Variants in ZNF654 observed in about 807,000 individuals in gnomAD.
ZNF654 encodes the protein melanoma-associated antigen.
ZNF654 carries 19 observed loss-of-function variants against 95.3 expected under a neutral mutation model. The observed-to-expected ratio is 0.20, with a 90% CI of 0.14 to 0.29. ZNF654 has a LOEUF of 0.29. ZNF654 is among the 10% of genes least tolerant of loss of function. The pLI, the probability that ZNF654 is intolerant of heterozygous loss-of-function variation, is 1.00. For synonymous variants in ZNF654, 413 were observed against 457.9 expected (o/e 0.90, Z 1.25); for missense variants, 1,046 against 1,341.0 (o/e 0.78, Z 3.44).
chr3:88,087,212 G>A lies in ZNF654; in HGVS notation c.332+810G>A, dbSNP rs1389573389. ...TCATGCCTCAGCCCCAGAGTACTTG[G>A]GACCACAGGTGTGCACCACCATGCC... On this transcript the variant is annotated intron_variant, in intron 2 of 8. Transcript: ENST00000636215. Among the ~76,000 whole-genome samples the A allele has an allele frequency of 3.9e-5, 6 of 152,002 alleles. No homozygotes were observed. The East Asian group carries it at 9.6e-4, about 24-fold the overall frequency.
Position 88,139,594 on chromosome 3 carries a change from C to A in ZNF654, c.1925C>A (p.Thr642Lys). The change falls in exon 8 of 9, where the codon ACA (threonine) becomes AAA (lysine). Residue 642 changes from threonine to lysine, a missense_variant. Thr to Lys is a moderately conservative substitution (Grantham distance 78, BLOSUM62 -1). Around this residue, in one of 9 missense-constraint regions of ZNF654, gnomAD observed 495 missense variants for 537.0 expected, o/e 0.92. Coordinates refer to ENST00000636215, the MANE Select transcript of ZNF654 (RefSeq NM_001350134.2). ...NSDSKDLEVETLTASSEGNKE... is the reference protein window; with the variant it reads ...NSDSKDLEVEKLTASSEGNKE... ...GATAGTAAGGATTTGGAAGTGGAGACACTTACTGCTTCTAGTGAAGGAAAC... is the reference window on the plus strand; with the variant it reads ...GATAGTAAGGATTTGGAAGTGGAGAAACTTACTGCTTCTAGTGAAGGAAAC... The A allele has an allele frequency of 6.2e-7, 1 of 1,613,724 alleles. No individual in the cohort carries two copies. The highest frequency in any genetic ancestry group is 8.5e-7 in the Non-Finnish European group (1 of 1,179,776).
At chr3:88,117,085 C>T (rs1328856279) in intron 3 of ZNF654, among the ~76,000 whole-genome samples, 1 of 151,678 alleles carries the variant, frequency 6.6e-6, no homozygotes, top group Non-Finnish European at 1.5e-5. Flanking sequence ...AGGGACAACC[C>T]GAAAGAACAT....
chr3:88,134,734 A>G (rs1475072430), intron 6 of ZNF654, among the ~76,000 whole-genome samples: 1 of 152,076 alleles, frequency 6.6e-6, no homozygotes, highest in Non-Finnish European at 1.5e-5. Flanking sequence ...ATTAAAGGCC[A>G]AAGTTTATTA....
rs772062287 is a variant in ZNF654, at chr3:88,139,989, G to A, written c.2320G>A (p.Asp774Asn). Residue 774 changes from aspartate (D) to asparagine (N), a missense_variant, in exon 8 of 9, where the codon GAT becomes AAT. Asp to Asn is a conservative substitution (Grantham distance 23, BLOSUM62 1). Around this residue, in one of 9 missense-constraint regions of ZNF654, gnomAD observed 495 missense variants for 537.0 expected, o/e 0.92. Transcript: ENST00000636215. ...ACATGCAATGACCGTACATCCAACC[G>A]ATTTAAATGTGCGACAAACAGTAAT... Reference protein sequence around the residue: ...NKHAMTVHPTDLNVRQTVMKW... With the variant: ...NKHAMTVHPTNLNVRQTVMKW... The A allele has an allele frequency of 8.1e-6, 13 of 1,613,728 alleles. No individual in the cohort carries two copies. The highest frequency in any genetic ancestry group is 2.2e-5 in the South Asian group (2 of 91,068).
chr3:88,110,418 C>A (rs1217524175), intron 2 of ZNF654, among the ~76,000 whole-genome samples: 2 of 152,046 alleles, frequency 1.3e-5, no homozygotes, highest in South Asian at 2.1e-4. Context: ...TGACTCTGTT[C>A]CAGTAATACC....
chr3:88,084,303 A>G lies in ZNF654; in HGVS notation c.187-1954A>G, dbSNP rs149915139. On this transcript the variant is annotated intron_variant, in intron 1 of 8. Transcript: ENST00000636215. ...GGAGCAGATAAGGTTGCAAGTAAAC[A>G]TGGACTGGGAACAAGAAAAATGTGA... Among the ~76,000 whole-genome samples, 811 of 152,300 alleles carry G rather than the reference A, an allele frequency of 5.3e-3. 5 individuals carry two copies. The highest frequency in any genetic ancestry group is 0.017 in the African/African-American group (697 of 41,570).
Position 88,126,160 on chromosome 3 carries a change from T to C in ZNF654, c.441T>C (p.Tyr147=), listed in dbSNP as rs532828323. 5 of 1,520,096 alleles carry C rather than the reference T, an allele frequency of 3.3e-6. No homozygotes were observed. The highest frequency in any genetic ancestry group is 2.0e-5 in the Admixed American group (1 of 50,024). The allele number at this position is 1,520,096 out of a possible 1,614,324, so 94.2% of individuals were successfully genotyped here. A position where few individuals can be genotyped will look rare whatever the true frequency, so the allele number is the denominator to read the frequency against. Residue 147 remains tyrosine, a synonymous_variant, in exon 4 of 9, where the codon TAT becomes TAC. Transcript: ENST00000636215. The part of the protein sequence containing the change: ...FQECQNHLRR[Y]GNVNLELVTR... ...AATGCCAGAATCACCTCCGCAGATA[T>C]GGAAATGTGAATCTGGAACTGGTGA...
At chr3:88,133,912 A>G (rs1455193021) in intron 6 of ZNF654, among the ~76,000 whole-genome samples, 2 of 152,166 alleles carry the variant, frequency 1.3e-5, no homozygotes, top group Non-Finnish European at 2.9e-5. Context: ...GAATAGAGGA[A>G]TGTTTAGTGT....
intron 1 of ZNF654, among the ~76,000 whole-genome samples, chr3:88,060,803 A>T (rs1706833305): frequency 6.6e-6 from 1 of 152,090 alleles, no homozygotes; most frequent in East Asian, 1.9e-4. Flanking sequence ...AATTTCTTTC[A>T]ATGCTTGTAA....
Position 88,086,260 on chromosome 3 carries a change from G to T in ZNF654, c.190G>T (p.Val64Phe). 6.5e-7 allele frequency: 1 copy of T among 1,533,238 alleles called. No homozygotes were observed. Among genetic ancestry groups the T allele is most frequent in the Non-Finnish European group, 8.7e-7 (1 of 1,146,468 alleles). 95.0% of individuals were successfully genotyped at this position (1,533,238 alleles called of 1,614,324 possible). The change falls in exon 2 of 9, where the codon GTT (valine) becomes TTT (phenylalanine). Residue 64 changes from valine to phenylalanine, a missense_variant. Transcript: ENST00000636215. ...RDYCRRFCQV[V>F]EDYAGRWQVP... Reference sequence around the variant, plus strand: ...GTCTGGATTGCTTCTCTGTCAGGTGGTTGAAGATTATGCTGGAAGATGGCA... The same window carrying T: ...GTCTGGATTGCTTCTCTGTCAGGTGTTTGAAGATTATGCTGGAAGATGGCA...
At chr3:88,126,503 T>G (rs530573076) in intron 4 of ZNF654, among the ~76,000 whole-genome samples, 3 of 151,936 alleles carry the variant, frequency 2.0e-5, no homozygotes, top group South Asian at 4.2e-4. Context: ...ACACATCTAC[T>G]AGATGTTATT....
chr3:88,114,948 A>T (rs1222243765), intron 3 of ZNF654, among the ~76,000 whole-genome samples: 1 of 152,188 alleles, frequency 6.6e-6, no homozygotes, highest in East Asian at 1.9e-4. Flanking sequence ...TTTTTGAAAT[A>T]TTTTTCATAA....
At chr3:88,122,696 A>G (rs1705841728) in intron 3 of ZNF654, among the ~76,000 whole-genome samples, 1 of 152,156 alleles carries the variant, frequency 6.6e-6, no homozygotes, top group Non-Finnish European at 1.5e-5. Context: ...TTTATTATTT[A>G]AGTAAATATT....
At chr3:88,122,789 C>G (rs1705848692) in intron 3 of ZNF654, among the ~76,000 whole-genome samples, 3 of 151,934 alleles carry the variant, frequency 2.0e-5, no homozygotes, top group Admixed American at 2.0e-4. Flanking sequence ...GTGGGCAGAT[C>G]ACCTGAGGTG....
At chr3:88,124,178 A>G (rs1157684821) in intron 3 of ZNF654, among the ~76,000 whole-genome samples, 15 of 152,238 alleles carry the variant, frequency 9.9e-5, no homozygotes, top group Non-Finnish European at 2.2e-4. Context: ...ACTAGGTGCT[A>G]GGCACTGTTC....
At chr3:88,122,627 G>T (rs1705837093) in intron 3 of ZNF654, among the ~76,000 whole-genome samples, 1 of 152,052 alleles carries the variant, frequency 6.6e-6, no homozygotes, top group African/African-American at 2.4e-5. Context: ...GTGTAATGTG[G>T]GTATCAATAA....
intron 1 of ZNF654, among the ~76,000 whole-genome samples, chr3:88,075,932 A>C (rs190782665): frequency 4.3e-4 from 66 of 152,300 alleles, no homozygotes; most frequent in African/African-American, 1.5e-3. Context: ...CATCAAACCC[A>C]AGACTGACCT....
intron 2 of ZNF654, chr3:88,095,949 G>C: frequency 2.9e-6 from 1 of 339,394 alleles, no homozygotes; most frequent in South Asian, 2.8e-5. Flanking sequence ...AATGTTAGCT[G>C]TGTGCTTGGT....
chr3:88,128,507 T>C (rs1034716936), intron 4 of ZNF654, among the ~76,000 whole-genome samples: 3 of 152,108 alleles, frequency 2.0e-5, no homozygotes, highest in African/African-American at 7.2e-5. Flanking sequence ...TTGGAACATA[T>C]TTTAACATAT....
Sources: allele counts gnomAD v4.1 joint callset (sites outside exome capture counted in the v4.1 genomes callset), GRCh38; gene constraint gnomAD v4.1.1; regional missense constraint gnomAD v4.1.1; transcripts MANE v1.5; gene names NCBI Gene and HGNC (gene_info 2026-07-23, HGNC 2026-07-21).